Variants in FAT4 observed in about 807,000 individuals in gnomAD.
FAT4 encodes protocadherin Fat 4.
FAT4 carries 84 observed loss-of-function variants against 303.9 expected under a neutral mutation model. That is an observed-to-expected ratio of 0.28 (90% confidence interval 0.23 to 0.33). The LOEUF (loss-of-function observed/expected upper bound fraction) is 0.33. Ranked by LOEUF, FAT4 falls within the 10% of genes least tolerant of loss-of-function variation. The probability of loss-of-function intolerance (pLI) is 1.00; values close to 1 mark genes in which losing one functional copy is unlikely to be tolerated. For synonymous variants in FAT4, 2,307 were observed against 2,298.8 expected (o/e 1.00, Z -0.10); for missense variants, 6,005 against 6,146.8 (o/e 0.98, Z 0.77).
At chr4:125,380,818 C>A (rs560905280) in intron 2 of FAT4, among the ~76,000 whole-genome samples, 1 of 152,240 alleles carries the variant, frequency 6.6e-6, no homozygotes, top group South Asian at 2.1e-4. Flanking sequence ...ATACTCTTTG[C>A]TGACACATTT....
At chr4:125,367,544 A>C (rs1363116242) in intron 2 of FAT4, among the ~76,000 whole-genome samples, 3 of 152,152 alleles carry the variant, frequency 2.0e-5, no homozygotes, top group Non-Finnish European at 2.9e-5. Flanking sequence ...GAATATATGA[A>C]AAATACATAG....
intron 2 of FAT4, among the ~76,000 whole-genome samples, chr4:125,367,165 A>T (rs1578564699): frequency 6.6e-6 from 1 of 152,248 alleles, no homozygotes; most frequent in Middle Eastern, 3.4e-3. Flanking sequence ...AATATGCATC[A>T]AATGTTATCA....
intron 7 of FAT4, among the ~76,000 whole-genome samples, chr4:125,426,068 C>A (rs1229303617): frequency 2.0e-5 from 3 of 151,956 alleles, no homozygotes; most frequent in Admixed American, 6.6e-5. Context: ...TTGGTGAGCA[C>A]CTGGTAACAT....
At chr4:125,408,970 C>T (rs1010150273) in intron 5 of FAT4, among the ~76,000 whole-genome samples, 176 bp downstream of exon 5, 15 of 151,942 alleles carry the variant, frequency 9.9e-5, no homozygotes, top group East Asian at 7.7e-4. Context: ...AGTACTTTAT[C>T]GGTTAAATTC....
Position 125,451,913 on chromosome 4 carries a change from T to G in FAT4, c.10903T>G (p.Leu3635Val). 6.2e-7 allele frequency: 1 copy of G among 1,614,104 alleles called. No individual in the cohort carries two copies. Among genetic ancestry groups the G allele is most frequent in the East Asian group, 2.2e-5 (1 of 44,880 alleles). ...TGGTAACTTGTTTCCCGGTGGGATT[T>G]TAGGCTCTGTGAAGCCACAGGATCC... ...YYGNLFPGGI[L>V]GSVKPQDPDV... The change falls in exon 10 of 18, where the codon TTA becomes GTA. Residue 3635 changes from leucine (L) to valine (V), a missense_variant. Transcript: ENST00000394329.
At position 125,408,812 on chromosome 4, in the gene FAT4, T is replaced by C; in HGVS notation, c.5920+18T>C. 1 of 1,254,068 alleles carries C rather than the reference T, an allele frequency of 8.0e-7. No homozygotes were observed. Among genetic ancestry groups the C allele is most frequent in the Non-Finnish European group, 1.1e-6 (1 of 924,930 alleles). 77.7% of individuals were successfully genotyped at this position (1,254,068 alleles called of 1,614,324 possible). A position where few individuals can be genotyped will look rare whatever the true frequency, so the allele number is the denominator to read the frequency against. ...AGATGATGGTATGTATTTTATTTAA[T>C]ATAATTTTTAAAACATCTATAAACT... On this transcript the variant is annotated intron_variant, in intron 5 of 17. Transcript: ENST00000394329.
intron 3 of FAT4, among the ~76,000 whole-genome samples, chr4:125,404,596 C>A (rs1444893186): frequency 3.9e-5 from 6 of 152,030 alleles, no homozygotes; most frequent in Admixed American, 3.3e-4. Context: ...AATGTGAGAT[C>A]TGCCCTTTTA....
At chr4:125,336,809 A>G (rs993341112) in intron 2 of FAT4, among the ~76,000 whole-genome samples, 1 of 141,298 alleles carries the variant, frequency 7.1e-6, no homozygotes, top group Non-Finnish European at 1.5e-5. Context: ...ATGTTAGAAC[A>G]AATTTAATTA....
chr4:125,358,052 G>A (rs932625624), intron 2 of FAT4, among the ~76,000 whole-genome samples: 4 of 152,184 alleles, frequency 2.6e-5, no homozygotes, highest in Admixed American at 1.3e-4. Context: ...CAGCTTGGGC[G>A]GGGGAACTCC....
Position 125,317,172 on chromosome 4 carries a change from A to T in FAT4, c.761A>T (p.His254Leu), listed in dbSNP as rs201036193. 1.4e-4 allele frequency: 218 copies of T among 1,602,968 alleles called. No individual in the cohort carries two copies. In the African/African-American group the frequency reaches 2.5e-3, roughly 19 times the overall value. ...NDNPPVFGSS[H>L]YQAGVPEDAV... ...AACCCCCCGGTTTTTGGCAGTTCTC[A>T]CTACCAGGCGGGGGTGCCTGAGGAC... The change falls in exon 2 of 18, where the codon CAC (histidine) becomes CTC (leucine). Residue 254 changes from histidine (H) to leucine (L), a missense_variant. Transcript: ENST00000394329. The surrounding 1 kb of genome is among the most constrained non-coding windows in gnomAD (Gnocchi z 7.0).
intron 2 of FAT4, among the ~76,000 whole-genome samples, chr4:125,390,906 C>G (rs573252232): frequency 5.7e-4 from 87 of 151,940 alleles, no homozygotes; most frequent in Non-Finnish European, 1.1e-3. Context: ...ATGTGGCCAA[C>G]AAACATGAAA....
intron 16 of FAT4, among the ~76,000 whole-genome samples, chr4:125,485,908 A>G (rs1560636196): frequency 1.3e-5 from 2 of 152,338 alleles, no homozygotes; most frequent in South Asian, 4.1e-4. Flanking sequence ...CTGTTTATTA[A>G]TAAATAAAAC....
At chr4:125,468,871 A>G (rs746886089) in intron 12 of FAT4, 52 bp downstream of exon 12, 1 of 1,528,778 alleles carries the variant, frequency 6.5e-7, no homozygotes, top group South Asian at 1.2e-5. Context: ...TCTTCAAATA[A>G]AGTATGAATT....
At chr4:125,374,628 G>A (rs1235321232) in intron 2 of FAT4, among the ~76,000 whole-genome samples, 2 of 152,122 alleles carry the variant, frequency 1.3e-5, no homozygotes, top group Non-Finnish European at 2.9e-5. Context: ...GTTGTCCCAC[G>A]TATATTCACA....
intron 11 of FAT4, 31 bp from the exon 12 acceptor site, chr4:125,468,481 T>A: frequency 1.4e-6 from 2 of 1,392,158 alleles, no homozygotes; most frequent in East Asian, 2.5e-5. Flanking sequence ...CATGAAATTT[T>A]ATGCCAGTTT....
At chr4:125,416,401 G>T in intron 6 of FAT4, 47 bp from the exon 7 acceptor site, 6 of 1,465,204 alleles carry the variant, frequency 4.1e-6, no homozygotes, top group South Asian at 1.4e-5. Context: ...TATTTCATGA[G>T]ATGCATTGTT....
At chr4:125,394,154 A>G in intron 2 of FAT4, 1 of 505,970 alleles carries the variant, frequency 2.0e-6, no homozygotes, top group Middle Eastern at 4.8e-4. Context: ...TAACGGGATC[A>G]TGAATCTTCA....
At chr4:125,383,236 A>G (rs867669269) in intron 2 of FAT4, among the ~76,000 whole-genome samples, 3 of 152,268 alleles carry the variant, frequency 2.0e-5, no homozygotes, top group South Asian at 2.1e-4. Flanking sequence ...TTAATTATTT[A>G]TAGCTTTTGA....
chr4:125,350,841 A>G (rs1732194278), intron 2 of FAT4, among the ~76,000 whole-genome samples: 1 of 151,782 alleles, frequency 6.6e-6, no homozygotes, highest in African/African-American at 2.4e-5. Context: ...ATTTCTGAGT[A>G]TCTATTCATC....
Sources: allele counts gnomAD v4.1 joint callset (sites outside exome capture counted in the v4.1 genomes callset), GRCh38; gene constraint gnomAD v4.1.1; non-coding constraint Gnocchi (gnomAD v3.1); transcripts MANE v1.5; gene names NCBI Gene and HGNC (gene_info 2026-07-23, HGNC 2026-07-21).